Variants in SENP7 observed in about 807,000 individuals in gnomAD.
SENP7 encodes the protein SUMO specific peptidase 7.
A neutral mutation model predicts 141.2 loss-of-function variants in SENP7; 64 were observed. That is an observed-to-expected ratio of 0.45 (90% confidence interval 0.37 to 0.56). SENP7 has a LOEUF of 0.56. Among genes scored for constraint, SENP7 ranks in the 20% least tolerant of loss-of-function variants. The pLI, the probability that SENP7 is intolerant of heterozygous loss-of-function variation, is 0.00. For missense variants in SENP7, 1,025 were observed against 1,212.2 expected (o/e 0.85, Z 2.29); for synonymous variants, 382 against 426.4 (o/e 0.90, Z 1.28).
rs546509937 is a variant in SENP7 at position 101,387,085 on chromosome 3, A to G, written c.677+11776T>C. 1.6e-3 allele frequency among the ~76,000 whole-genome samples: 241 copies of G among 152,148 alleles called. 1 individual carries two copies. Among genetic ancestry groups the G allele is most frequent in the Middle Eastern group, 6.8e-3 (2 of 294 alleles). On this transcript the variant is annotated intron_variant, in intron 6 of 23. Coordinates refer to ENST00000394095, the MANE Select transcript of SENP7 (RefSeq NM_020654.5). ...CATGCCTTCCCTGGCCACTGCCACC[A>G]TCACCAGGGCCTGAGTGCATGGTTC...
Position 101,324,784 on chromosome 3 carries a change from A to G in SENP7, c.*1159T>C, listed in dbSNP as rs1483295968. ...AATATTGTTAAAAAACATTTTTCTT[A>G]TCTGAGAAAATACAATATAATCATA... is the stretch of plus-strand genomic sequence containing the variant. On this transcript the variant is annotated 3_prime_UTR_variant, in exon 24 of 24. Coordinates refer to ENST00000394095, the MANE Select transcript of SENP7 (RefSeq NM_020654.5). 1 of 152,022 alleles carries G rather than the reference A, an allele frequency of 6.6e-6. No homozygotes were observed. Among genetic ancestry groups the G allele is most frequent in the African/African-American group, 2.4e-5 (1 of 41,438 alleles). 9.4% of individuals were successfully genotyped at this position (152,022 alleles called of 1,614,324 possible). A position where few individuals can be genotyped will look rare whatever the true frequency, so the allele number is the denominator to read the frequency against.
intron 1 of SENP7, among the ~76,000 whole-genome samples, chr3:101,506,020 A>T (rs10936669): frequency 0.4 from 55,794 of 140,710 alleles, 11,442 homozygotes; most frequent in Admixed American, 0.53. Flanking sequence ...TTATTCCATA[A>T]TTTTTTTTTT....
intron 4 of SENP7, among the ~76,000 whole-genome samples, chr3:101,445,160 G>A (rs2107796352): frequency 6.6e-6 from 1 of 152,152 alleles, no homozygotes; most frequent in South Asian, 2.1e-4. Flanking sequence ...AACTTTCTAG[G>A]CCAGGAGAGA....
intron 4 of SENP7, among the ~76,000 whole-genome samples, chr3:101,421,127 T>C (rs2061779492): frequency 6.6e-6 from 1 of 152,098 alleles, no homozygotes; most frequent in East Asian, 1.9e-4. Context: ...TAAGAGAATG[T>C]TATTGTTCTT....
chr3:101,400,046 G>C (rs1270927987), intron 5 of SENP7, among the ~76,000 whole-genome samples: 1 of 152,114 alleles, frequency 6.6e-6, no homozygotes, highest in Non-Finnish European at 1.5e-5. Flanking sequence ...AGTACATTTG[G>C]TATAAAATTA....
intron 3 of SENP7, among the ~76,000 whole-genome samples, chr3:101,476,686 A>C (rs2064231837): frequency 6.6e-6 from 1 of 152,114 alleles, no homozygotes; most frequent in Non-Finnish European, 1.5e-5. Flanking sequence ...ACTGTCTTCC[A>C]CAAGGGTTAA....
At chr3:101,490,639 T>C (rs2064928946) in intron 3 of SENP7, among the ~76,000 whole-genome samples, 1 of 152,196 alleles carries the variant, frequency 6.6e-6, no homozygotes, top group Admixed American at 6.5e-5. Context: ...GTTACTCTAG[T>C]CAGAGCTCAT....
chr3:101,343,565 T>C (rs1024248948), intron 14 of SENP7, 121 bp downstream of exon 14: 2 of 897,846 alleles, frequency 2.2e-6, no homozygotes, highest in Non-Finnish European at 3.3e-6. Flanking sequence ...ACGGGAGTTC[T>C]TTTGGGTTGG....
chr3:101,473,892 C>G (rs1048903229), intron 3 of SENP7, among the ~76,000 whole-genome samples: 1 of 152,168 alleles, frequency 6.6e-6, no homozygotes, highest in Non-Finnish European at 1.5e-5. Flanking sequence ...TTTAATCCAT[C>G]TCGAGCTAAT....
intron 5 of SENP7, among the ~76,000 whole-genome samples, chr3:101,403,464 A>C (rs1049294826): frequency 3.3e-5 from 5 of 152,222 alleles, no homozygotes; most frequent in Non-Finnish European, 4.4e-5. Flanking sequence ...CCCAAGTATA[A>C]GTAGCTTTCC....
At chr3:101,410,029 G>T (rs1028474537) in intron 5 of SENP7, among the ~76,000 whole-genome samples, 1 of 152,174 alleles carries the variant, frequency 6.6e-6, no homozygotes, top group East Asian at 1.9e-4. Context: ...TCTTCACAAT[G>T]TATACATCTG....
At chr3:101,442,990 T>A (rs1297635358) in intron 4 of SENP7, among the ~76,000 whole-genome samples, 1 of 152,346 alleles carries the variant, frequency 6.6e-6, no homozygotes, top group Middle Eastern at 3.4e-3. Flanking sequence ...TTGGTTGCCA[T>A]TGCTTTTGGT....
Position 101,372,142 on chromosome 3 carries a change from G to T in SENP7, c.678-16C>A. 7.4e-7 allele frequency: 1 copy of T among 1,351,550 alleles called. No homozygotes were observed. The highest frequency in any genetic ancestry group is 1.0e-6 in the Non-Finnish European group (1 of 983,584). The allele number at this position is 1,351,550 out of a possible 1,614,324, so 83.7% of individuals were successfully genotyped here. ...TTGTGAGCCCCTGCAAAAGAGAACTGTATTATACTCAATTCTAATAAAGCC... is the reference window on the plus strand; with the variant it reads ...TTGTGAGCCCCTGCAAAAGAGAACTTTATTATACTCAATTCTAATAAAGCC... On this transcript the variant is annotated splice_polypyrimidine_tract_variant and intron_variant, in intron 6 of 23. Coordinates refer to ENST00000394095, the MANE Select transcript of SENP7 (RefSeq NM_020654.5).
At chr3:101,471,670 A>T (rs1282579038) in intron 3 of SENP7, among the ~76,000 whole-genome samples, 2 of 152,234 alleles carry the variant, frequency 1.3e-5, no homozygotes, top group African/African-American at 4.8e-5. Context: ...ATTAAACTAA[A>T]GAGCCTCTGC....
chr3:101,489,751 T>C (rs926336019), intron 3 of SENP7, among the ~76,000 whole-genome samples: 2 of 152,160 alleles, frequency 1.3e-5, no homozygotes, highest in African/African-American at 4.8e-5. Flanking sequence ...GACAGATCAT[T>C]GAGGCAGAAA....
intron 19 of SENP7, among the ~76,000 whole-genome samples, chr3:101,331,445 T>C (rs996070444): frequency 6.8e-6 from 1 of 147,392 alleles, no homozygotes; most frequent in Non-Finnish European, 1.5e-5. Flanking sequence ...ACTGAGCCAC[T>C]GCACTACACC....
intron 4 of SENP7, among the ~76,000 whole-genome samples, chr3:101,422,360 G>A (rs1366332218): frequency 1.3e-5 from 2 of 152,142 alleles, no homozygotes; most frequent in Non-Finnish European, 2.9e-5. Flanking sequence ...CAGGGGTTGA[G>A]AACTTCTGGG....
At chr3:101,477,355 A>G (rs1220618536) in intron 3 of SENP7, among the ~76,000 whole-genome samples, 1 of 152,218 alleles carries the variant, frequency 6.6e-6, no homozygotes, top group Non-Finnish European at 1.5e-5. Flanking sequence ...GAGTCAGGGA[A>G]GAAATTAAGA....
At chr3:101,404,967 C>G (rs2061256377) in intron 5 of SENP7, among the ~76,000 whole-genome samples, 1 of 152,184 alleles carries the variant, frequency 6.6e-6, no homozygotes, top group African/African-American at 2.4e-5. Flanking sequence ...TCTCTCACAG[C>G]CCTCAAAACA....
Sources: gnomAD v4.1 joint callset for allele counts (sites outside exome capture counted in the v4.1 genomes callset) on GRCh38, gnomAD v4.1.1 for gene constraint, MANE v1.5 for transcripts, NCBI Gene and HGNC (gene_info 2026-07-23, HGNC 2026-07-21) for gene names.